The following ST8SIA6 variants were observed in gnomAD, a reference collection of about 807,000 sequenced individuals.
ST8SIA6 encodes alpha-2,8-sialyltransferase 8F.
Under a neutral mutation model 33.6 loss-of-function variants are expected in ST8SIA6, and 39 were observed. That is an observed-to-expected ratio of 1.16 (90% confidence interval 0.90 to 1.52). ST8SIA6 has a LOEUF of 1.52. Among genes scored for constraint, ST8SIA6 ranks in the 40% most tolerant of loss-of-function variants. ST8SIA6 has a pLI of 0.00. For missense variants in ST8SIA6, 441 were observed against 443.8 expected (o/e 0.99, Z 0.06); for synonymous variants, 172 against 167.2 (o/e 1.03, Z -0.22).
At chr10:17,387,096 C>T (rs1045871626) in intron 3 of ST8SIA6, 6 of 152,224 alleles carry the variant, frequency 3.9e-5, no homozygotes, top group African/African-American at 1.4e-4. Context: ...CGTACGTCAG[C>T]CTCCCTGGGA....
chr10:17,350,978 C>G lies in ST8SIA6; in HGVS notation c.377+8536G>C, dbSNP rs1210155048. 2.0e-5 allele frequency among the ~76,000 whole-genome samples: 3 copies of G among 152,098 alleles called. No individual in the cohort carries two copies. In the East Asian group the frequency reaches 5.8e-4, roughly 29 times the overall value. On this transcript the variant is annotated intron_variant, in intron 4 of 7. Coordinates refer to ENST00000377602, the MANE Select transcript of ST8SIA6 (RefSeq NM_001004470.3). ...GCCCCTTAATGAATCTAGTGAGATACAAAATGGAAGACATGGTATTCAGAA... is the reference window on the plus strand; with the variant it reads ...GCCCCTTAATGAATCTAGTGAGATAGAAAATGGAAGACATGGTATTCAGAA...
At chr10:17,448,742 A>ACCT (rs1852808711) in intron 2 of ST8SIA6, among the ~76,000 whole-genome samples, 1 of 148,930 alleles carries the variant, frequency 6.7e-6, no homozygotes, top group South Asian at 2.1e-4. Flanking sequence ...CAGCCTCCCT[A>ACCT]GTAGCTGGGA....
intron 3 of ST8SIA6, among the ~76,000 whole-genome samples, chr10:17,379,927 C>T (rs546217638): frequency 6.6e-6 from 1 of 152,270 alleles, no homozygotes. Flanking sequence ...ATGCCCCTCA[C>T]CTTTGACAAA....
At chr10:17,348,114 G>A (rs928351794) in intron 4 of ST8SIA6, among the ~76,000 whole-genome samples, 2 of 151,078 alleles carry the variant, frequency 1.3e-5, no homozygotes, top group Non-Finnish European at 1.5e-5. Flanking sequence ...TGCTATTATT[G>A]TTCAATGTGT....
chr10:17,402,592 C>A (rs1383407060), intron 2 of ST8SIA6, among the ~76,000 whole-genome samples: 2 of 152,176 alleles, frequency 1.3e-5, no homozygotes, highest in Admixed American at 1.3e-4. Context: ...TACTATGCAG[C>A]TATAAAAAAG....
At chr10:17,451,810 G>A (rs1852921781) in intron 2 of ST8SIA6, among the ~76,000 whole-genome samples, 1 of 151,966 alleles carries the variant, frequency 6.6e-6, no homozygotes, top group South Asian at 2.1e-4. Context: ...AATGATAAAG[G>A]GGACATAAAA....
At chr10:17,368,255 A>G (rs2131628406) in intron 3 of ST8SIA6, among the ~76,000 whole-genome samples, 1 of 139,310 alleles carries the variant, frequency 7.2e-6, no homozygotes, top group African/African-American at 2.7e-5. Flanking sequence ...AAAAAAAAAA[A>G]AAATTACAAA....
intron 2 of ST8SIA6, among the ~76,000 whole-genome samples, chr10:17,417,563 C>A (rs960795770): frequency 1.3e-5 from 2 of 151,892 alleles, no homozygotes; most frequent in African/African-American, 2.4e-5. Flanking sequence ...GCACAGTGAG[C>A]TCCAGGAGGG....
chr10:17,433,817 G>C (rs1282568007), intron 2 of ST8SIA6, among the ~76,000 whole-genome samples: 1 of 152,134 alleles, frequency 6.6e-6, no homozygotes, highest in African/African-American at 2.4e-5. Flanking sequence ...ATTTAGCAAG[G>C]AGTGCCCCTT....
At chr10:17,453,417 C>G (rs1852991101) in intron 2 of ST8SIA6, 142 bp downstream of exon 2, 1 of 566,622 alleles carries the variant, frequency 1.8e-6, no homozygotes, top group Non-Finnish European at 2.6e-6. Flanking sequence ...CCCGCGCCCT[C>G]TTCAAACACA....
chr10:17,412,789 T>C (rs762317119), intron 2 of ST8SIA6, among the ~76,000 whole-genome samples: 9 of 152,218 alleles, frequency 5.9e-5, no homozygotes, highest in Non-Finnish European at 1.3e-4. Flanking sequence ...AGGGTAATTA[T>C]AGTTTACAAC....
intron 3 of ST8SIA6, among the ~76,000 whole-genome samples, chr10:17,376,394 A>T (rs1158523523): frequency 6.6e-6 from 1 of 152,114 alleles, no homozygotes; most frequent in East Asian, 1.9e-4. Flanking sequence ...TTATTAGAGC[A>T]GTGTGTCTAC....
chr10:17,393,621 C>T (rs774461689), intron 2 of ST8SIA6, among the ~76,000 whole-genome samples: 2 of 152,116 alleles, frequency 1.3e-5, no homozygotes, highest in African/African-American at 4.8e-5. Context: ...ACAGGTGTAA[C>T]TGGAGACTTC....
intron 6 of ST8SIA6, among the ~76,000 whole-genome samples, chr10:17,325,638 C>G (rs1013135417): frequency 2.0e-5 from 3 of 151,932 alleles, no homozygotes; most frequent in Non-Finnish European, 4.4e-5. Flanking sequence ...GTTTTCTGAA[C>G]TGTCAACCTG....
intron 4 of ST8SIA6, among the ~76,000 whole-genome samples, chr10:17,354,042 A>G (rs1389789770): frequency 6.6e-6 from 1 of 152,200 alleles, no homozygotes; most frequent in Non-Finnish European, 1.5e-5. Flanking sequence ...TTAGAAAACT[A>G]TTCAAGAAAG....
In ST8SIA6 at chr10:17,453,608, G is replaced by T; in HGVS notation, c.151C>A (p.Leu51Met). Residue 51 changes from leucine to methionine, a missense_variant, in exon 2 of 8, where the codon CTG (leucine) becomes ATG (methionine). Leu to Met is a conservative substitution (Grantham distance 15, BLOSUM62 2). Transcript: ENST00000377602. The part of the protein sequence containing the change: ...REATHGTPAA[L>M]RTLRSPATAV... ...GTCGCCGGGCTCCGGAGCGTCCTCA[G>T]CGCTGCGGGGGTGCCGTGGGTGGCC... The T allele has an allele frequency of 2.3e-6, 3 of 1,331,772 alleles. No homozygotes were observed. The highest frequency in any genetic ancestry group is 2.9e-6 in the Non-Finnish European group (3 of 1,033,470). The allele number at this position is 1,331,772 out of a possible 1,614,324, so 82.5% of individuals were successfully genotyped here.
Position 17,391,055 on chromosome 10 carries a change from T to C in ST8SIA6, c.201-435A>G, listed in dbSNP as rs189593256. On this transcript the variant is annotated intron_variant, in intron 2 of 7. Transcript: ENST00000377602. ...GTATTTTTAGTAGAGACGGGGTTTC[T>C]CCATGTTGGTCCGGCTGGTCTGGAA... Among the ~76,000 whole-genome samples, 17 of 151,672 alleles carry C rather than the reference T, an allele frequency of 1.1e-4. No individual in the cohort carries two copies. The Middle Eastern group carries it at 0.014, about 122-fold the overall frequency.
rs544625387 is a variant in ST8SIA6, at chr10:17,446,465, A to T, written c.200+7094T>A. 1.1e-4 allele frequency among the ~76,000 whole-genome samples: 17 copies of T among 152,372 alleles called. No individual in the cohort carries two copies. The South Asian group carries it at 3.5e-3, about 32-fold the overall frequency. ...TTTCTGAGATGTAAACTGATACAGT[A>T]AGGTTCAGGCTGAGAGAAGAAAATA... On this transcript the variant is annotated intron_variant, in intron 2 of 7. Coordinates refer to ENST00000377602, the MANE Select transcript of ST8SIA6 (RefSeq NM_001004470.3).
intron 4 of ST8SIA6, among the ~76,000 whole-genome samples, chr10:17,336,548 C>G (rs943493752): frequency 6.6e-6 from 1 of 150,496 alleles, no homozygotes; most frequent in Admixed American, 6.6e-5. Flanking sequence ...ACCACAGATT[C>G]GTTTTTCCTG....
Sources: gnomAD v4.1 joint callset for allele counts (sites outside exome capture counted in the v4.1 genomes callset) on GRCh38, gnomAD v4.1.1 for gene constraint, MANE v1.5 for transcripts, NCBI Gene and HGNC (gene_info 2026-07-23, HGNC 2026-07-21) for gene names.